Variants in TTC28 observed in about 807,000 individuals in gnomAD.
TTC28 encodes the protein tetratricopeptide repeat protein 28.
A neutral mutation model predicts 198.0 loss-of-function variants in TTC28; 61 were observed. That is an observed-to-expected ratio of 0.31 (90% CI 0.25 to 0.38). TTC28 has a LOEUF of 0.38. Among genes scored for constraint, TTC28 ranks in the 10% least tolerant of loss-of-function variants. The probability of loss-of-function intolerance (pLI) is 1.00; values close to 1 mark genes in which losing one functional copy is unlikely to be tolerated. For missense variants in TTC28, 2,678 were observed against 3,164.0 expected, an observed-to-expected ratio of 0.85 and a Z score of 3.69; for synonymous variants, 1,171 against 1,297.8, an observed-to-expected ratio of 0.90 and a Z score of 2.10.
At chr22:28,675,500 C>T (rs1569094446) in intron 1 of TTC28, among the ~76,000 whole-genome samples, 1 of 151,854 alleles carries the variant, frequency 6.6e-6, no homozygotes, top group Non-Finnish European at 1.5e-5. Context: ...ACCAGTAATC[C>T]TAGCACTTTG....
intron 1 of TTC28, among the ~76,000 whole-genome samples, chr22:28,648,895 C>T (rs930655696): frequency 3.4e-5 from 5 of 146,476 alleles, no homozygotes; most frequent in Admixed American, 2.1e-4. Flanking sequence ...GGAAACAGAG[C>T]GAAACCTTGT....
intron 12 of TTC28, among the ~76,000 whole-genome samples, chr22:28,054,018 G>C (rs1039326302): frequency 3.9e-5 from 6 of 152,264 alleles, no homozygotes; most frequent in Non-Finnish European, 8.8e-5. Context: ...GACACACTTA[G>C]TGAGTCAGAG....
chr22:28,635,740 T>C (rs1420131480), intron 1 of TTC28, among the ~76,000 whole-genome samples: 1 of 152,208 alleles, frequency 6.6e-6, no homozygotes, highest in Non-Finnish European at 1.5e-5. Flanking sequence ...TATGTATGCA[T>C]TGTGAAATGA....
At position 28,019,598 on chromosome 22, in the gene TTC28, C is replaced by T. The variant is rs2146598248; in HGVS notation, c.4074-5206G>A. ...GTGTGCACTGGAGTGTGAGGGATGACCTGCTCTCTGCCGTCCACCTTCCTA... is the reference window on the plus strand; with the variant it reads ...GTGTGCACTGGAGTGTGAGGGATGATCTGCTCTCTGCCGTCCACCTTCCTA... On this transcript the variant is annotated intron_variant, in intron 13 of 22. Coordinates refer to ENST00000397906, the MANE Select transcript of TTC28 (RefSeq NM_001145418.2). Among the ~76,000 whole-genome samples the T allele has an allele frequency of 1.3e-5, 2 of 152,310 alleles. 1 individual carries two copies. The highest frequency in any genetic ancestry group is 6.8e-3 in the Middle Eastern group (2 of 294).
At chr22:28,012,606 G>T (rs1414248884) in intron 14 of TTC28, among the ~76,000 whole-genome samples, 7 of 152,134 alleles carry the variant, frequency 4.6e-5, no homozygotes, top group Admixed American at 3.3e-4. Flanking sequence ...CGATCTCCCA[G>T]GCTTAAGCGA....
At chr22:28,124,381 T>C (rs747960067) in intron 6 of TTC28, among the ~76,000 whole-genome samples, 3 of 152,194 alleles carry the variant, frequency 2.0e-5, no homozygotes, top group Admixed American at 6.5e-5. Context: ...TGATAATATA[T>C]ATAGTGCTCA....
chr22:28,067,519 C>T (rs1461867654), intron 12 of TTC28, among the ~76,000 whole-genome samples: 2 of 152,030 alleles, frequency 1.3e-5, no homozygotes, highest in Non-Finnish European at 2.9e-5. Context: ...CATCATAAGA[C>T]GAACACTAGA....
chr22:28,351,644 C>T (rs1275036298), intron 2 of TTC28, among the ~76,000 whole-genome samples: 2 of 152,174 alleles, frequency 1.3e-5, no homozygotes, highest in African/African-American at 4.8e-5. Flanking sequence ...TAACCCTCCT[C>T]AAGCTGAAGA....
chr22:28,034,349 T>C (rs1939247272), intron 12 of TTC28, among the ~76,000 whole-genome samples: 1 of 152,168 alleles, frequency 6.6e-6, no homozygotes, highest in South Asian at 2.1e-4. Flanking sequence ...AGATTCCGCC[T>C]GTCTTCTTCC....
intron 2 of TTC28, among the ~76,000 whole-genome samples, chr22:28,597,417 T>C (rs868095207): frequency 2.0e-5 from 3 of 152,162 alleles, no homozygotes; most frequent in African/African-American, 4.8e-5. Flanking sequence ...AATATTACAT[T>C]GTAACAACAC....
At chr22:28,085,846 G>C (rs1479340675) in intron 12 of TTC28, among the ~76,000 whole-genome samples, 2 of 151,616 alleles carry the variant, frequency 1.3e-5, no homozygotes, top group Non-Finnish European at 2.9e-5. Flanking sequence ...AACAAAAAAA[G>C]GCAGGGGTTG....
rs1936967464 is a variant in TTC28 at position 27,980,267 on chromosome 22, G to C, written c.*1954C>G. On this transcript the variant is annotated 3_prime_UTR_variant, in exon 23 of 23. Coordinates refer to ENST00000397906, the MANE Select transcript of TTC28 (RefSeq NM_001145418.2). ...AGTGCTATAAATTTGGTCTTCACTTGCTACACTGGTACTTTTATTACCATT... is the reference window on the plus strand; with the variant it reads ...AGTGCTATAAATTTGGTCTTCACTTCCTACACTGGTACTTTTATTACCATT... 6.6e-6 allele frequency: 1 copy of C among 152,204 alleles called. No homozygotes were observed. The highest frequency in any genetic ancestry group is 1.5e-5 in the Non-Finnish European group (1 of 68,028). 9.4% of individuals were successfully genotyped at this position (152,204 alleles called of 1,614,324 possible).
chr22:27,994,024 G>C (rs1270132016), intron 17 of TTC28, among the ~76,000 whole-genome samples: 2 of 152,194 alleles, frequency 1.3e-5, no homozygotes, highest in African/African-American at 2.4e-5. Context: ...CCTCCACCGG[G>C]AAGTGCCCTC....
intron 15 of TTC28, chr22:28,000,041 T>C (rs1239805282): frequency 6.6e-6 from 1 of 152,108 alleles, no homozygotes; most frequent in African/African-American, 2.4e-5. Context: ...GTCATCAAAA[T>C]AAAAGCTTTC....
intron 2 of TTC28, among the ~76,000 whole-genome samples, chr22:28,590,034 C>CTAAAAAAAAA (rs2050396078): frequency 1.5e-5 from 1 of 68,076 alleles, no homozygotes; most frequent in Non-Finnish European, 2.4e-5. Context: ...AAGACTCCAT[C>CTAAAAAAAAA]AAAAAAAAAA....
chr22:28,039,234 G>A (rs909520005), intron 12 of TTC28, among the ~76,000 whole-genome samples: 5 of 152,076 alleles, frequency 3.3e-5, no homozygotes, highest in African/African-American at 4.8e-5. Flanking sequence ...TGTTTATTGC[G>A]GCACTACTCA....
chr22:28,490,608 T>A (rs1165666022), intron 2 of TTC28, among the ~76,000 whole-genome samples: 1 of 152,136 alleles, frequency 6.6e-6, no homozygotes, highest in Non-Finnish European at 1.5e-5. Flanking sequence ...ATTCAAATAG[T>A]AAGATAAACA....
In TTC28 at chr22:28,330,189, G is replaced by A. The variant is rs530283050; in HGVS notation, c.382-23546C>T. On this transcript the variant is annotated intron_variant, in intron 2 of 22. Transcript: ENST00000397906. Reference sequence around the variant, plus strand: ...TAATAAATAATTTTGATTGAGAATCGTTTAGAAATTTTATTCAGGTATAAT... The same window carrying A: ...TAATAAATAATTTTGATTGAGAATCATTTAGAAATTTTATTCAGGTATAAT... Among the ~76,000 whole-genome samples, 5 of 152,240 alleles carry A rather than the reference G, an allele frequency of 3.3e-5. No homozygotes were observed. In the South Asian group the frequency reaches 1.0e-3, roughly 32 times the overall value.
At chr22:28,201,309 G>T (rs149274371) in intron 5 of TTC28, among the ~76,000 whole-genome samples, 1 of 152,130 alleles carries the variant, frequency 6.6e-6, no homozygotes, top group Non-Finnish European at 1.5e-5. Flanking sequence ...TGTGCAGGGC[G>T]AGAGTAGAGC....
Sources: gnomAD v4.1 joint callset for allele counts (sites outside exome capture counted in the v4.1 genomes callset) on GRCh38, gnomAD v4.1.1 for gene constraint, MANE v1.5 for transcripts, NCBI Gene and HGNC (gene_info 2026-07-23, HGNC 2026-07-21) for gene names.